CPNE8: variants seen among roughly 807,000 people sequenced by gnomAD.
CPNE8 encodes copine 8, also known as copine-8.
A neutral mutation model predicts 81.5 loss-of-function variants in CPNE8; 45 were observed. The ratio of observed to expected loss-of-function variants is 0.55; its 90% CI spans 0.44 to 0.71. The LOEUF (loss-of-function observed/expected upper bound fraction) is 0.71, where lower values mean the gene tolerates loss of function less well. Ranked by LOEUF, CPNE8 falls within the 30% of genes least tolerant of loss-of-function variation. The probability of loss-of-function intolerance (pLI) is 0.00; values close to 1 mark genes in which losing one functional copy is unlikely to be tolerated. For synonymous variants in CPNE8, 252 were observed against 226.3 expected (o/e 1.11, Z -1.02); for missense variants, 594 against 672.1 (o/e 0.88, Z 1.28).
chr12:38,734,298 C>T (rs1172387322), intron 10 of CPNE8, among the ~76,000 whole-genome samples: 1 of 152,002 alleles, frequency 6.6e-6, no homozygotes, highest in African/African-American at 2.4e-5. Flanking sequence ...TGCCTCACAT[C>T]AATTATATTC....
At chr12:38,660,726 G>T (rs139903826) in intron 19 of CPNE8, among the ~76,000 whole-genome samples, 1 of 152,030 alleles carries the variant, frequency 6.6e-6, no homozygotes, top group Admixed American at 6.6e-5. Flanking sequence ...CTGACAAAGG[G>T]CTAATATCCA....
At chr12:38,883,345 T>C in intron 1 of CPNE8, among the ~76,000 whole-genome samples, 1 of 152,208 alleles carries the variant, frequency 6.6e-6, no homozygotes, top group East Asian at 1.9e-4. Context: ...CTGCAAATAA[T>C]GTTATTATTT....
chr12:38,685,067 T>A (rs554363601), intron 16 of CPNE8, among the ~76,000 whole-genome samples: 24 of 152,302 alleles, frequency 1.6e-4, no homozygotes, highest in South Asian at 6.2e-4. Context: ...GTGCCCTATA[T>A]GTCGTTGACA....
intron 6 of CPNE8, among the ~76,000 whole-genome samples, chr12:38,779,045 T>A (rs1054759988): frequency 6.6e-6 from 1 of 152,186 alleles, no homozygotes; most frequent in Non-Finnish European, 1.5e-5. Flanking sequence ...TTAATTTTTC[T>A]AATTCAGCTG....
intron 13 of CPNE8, among the ~76,000 whole-genome samples, chr12:38,704,873 G>A (rs1397815996): frequency 7.2e-5 from 5 of 69,468 alleles, no homozygotes; most frequent in East Asian, 3.2e-4. Context: ...TTTAAATTTC[G>A]GCACATGGTT....
chr12:38,795,145 G>T (rs1942427326), intron 6 of CPNE8, among the ~76,000 whole-genome samples: 1 of 152,178 alleles, frequency 6.6e-6, no homozygotes, highest in Admixed American at 6.5e-5. Flanking sequence ...GAGGTTTTGG[G>T]ATTCAGACTG....
rs1943598864 is a variant in CPNE8, at chr12:38,848,943, A to G, written c.187-281T>C. Among the ~76,000 whole-genome samples, 3 of 152,176 alleles carry G rather than the reference A, an allele frequency of 2.0e-5. No homozygotes were observed. The South Asian group carries it at 6.2e-4, about 31-fold the overall frequency. ...AAAGTTAAATCCTCTTTTAATGAAA[A>G]GAAGTTATTTCTACCTAAAATTTAA... On this transcript the variant is annotated intron_variant, in intron 3 of 19. Transcript: ENST00000331366.
chr12:38,701,481 G>T (rs1285101881), intron 14 of CPNE8, among the ~76,000 whole-genome samples: 1 of 151,544 alleles, frequency 6.6e-6, no homozygotes, highest in Non-Finnish European at 1.5e-5. Context: ...ATTTCTTTTT[G>T]TTTGTTTGTT....
intron 10 of CPNE8, among the ~76,000 whole-genome samples, chr12:38,747,720 C>T (rs1941260643): frequency 1.3e-5 from 2 of 151,994 alleles, no homozygotes; most frequent in South Asian, 4.1e-4. Flanking sequence ...TAAGTATATA[C>T]AACATATACT....
At chr12:38,805,862 A>G (rs1942788266) in intron 6 of CPNE8, among the ~76,000 whole-genome samples, 1 of 149,686 alleles carries the variant, frequency 6.7e-6, no homozygotes, top group South Asian at 2.2e-4. Context: ...CACTAGCAAG[A>G]CTAATAAAGA....
At chr12:38,744,241 G>A (rs1941175181) in intron 10 of CPNE8, among the ~76,000 whole-genome samples, 1 of 152,138 alleles carries the variant, frequency 6.6e-6, no homozygotes, top group South Asian at 2.1e-4. Flanking sequence ...AATAGATTGA[G>A]GTTGGTGTAA....
chr12:38,897,769 G>A (rs964613448), intron 1 of CPNE8, among the ~76,000 whole-genome samples: 1 of 151,908 alleles, frequency 6.6e-6, no homozygotes, highest in African/African-American at 2.4e-5. Flanking sequence ...ACGCAACAGC[G>A]AAGGATTTTA....
chr12:38,772,211 A>G (rs970596216), intron 7 of CPNE8, among the ~76,000 whole-genome samples: 3 of 152,184 alleles, frequency 2.0e-5, no homozygotes, highest in African/African-American at 7.2e-5. Context: ...CCTTACCACA[A>G]GCCAGTACCA....
At chr12:38,872,139 C>CAA (rs371743585) in intron 3 of CPNE8, among the ~76,000 whole-genome samples, 3 of 146,910 alleles carry the variant, frequency 2.0e-5, no homozygotes, top group African/African-American at 7.5e-5. Context: ...CTGTCTCAAA[C>CAA]AAAAAAAAAA....
At chr12:38,853,728 A>G (rs1943683349) in intron 3 of CPNE8, among the ~76,000 whole-genome samples, 1 of 152,076 alleles carries the variant, frequency 6.6e-6, no homozygotes, top group African/African-American at 2.4e-5. Context: ...TACTTTTCCA[A>G]TTTAGGAACA....
intron 6 of CPNE8, among the ~76,000 whole-genome samples, chr12:38,797,026 G>A (rs895295068): frequency 2.0e-5 from 3 of 152,198 alleles, no homozygotes; most frequent in African/African-American, 4.8e-5. Context: ...GCTTGCTTAG[G>A]TAAACAAAGC....
chr12:38,759,605 T>G (rs1302006923), intron 10 of CPNE8, among the ~76,000 whole-genome samples: 1 of 152,200 alleles, frequency 6.6e-6, no homozygotes, highest in East Asian at 1.9e-4. Context: ...TTATAACTCT[T>G]TTTCATAATA....
chr12:38,879,976 C>T (rs1944127378), intron 1 of CPNE8, among the ~76,000 whole-genome samples: 1 of 152,092 alleles, frequency 6.6e-6, no homozygotes, highest in Non-Finnish European at 1.5e-5. Context: ...ACCTTGAGTG[C>T]AATTTTTCTA....
intron 6 of CPNE8, among the ~76,000 whole-genome samples, chr12:38,822,234 T>C (rs1178036600): frequency 6.6e-6 from 1 of 152,222 alleles, no homozygotes; most frequent in African/African-American, 2.4e-5. Context: ...AAAACTATCT[T>C]ATAAAACCCA....
Sources: allele counts gnomAD v4.1 joint callset (sites outside exome capture counted in the v4.1 genomes callset), GRCh38; gene constraint gnomAD v4.1.1; transcripts MANE v1.5; gene names NCBI Gene and HGNC (gene_info 2026-07-23, HGNC 2026-07-21).